Variants in TMEM184A observed in about 807,000 individuals in gnomAD.
The protein encoded by TMEM184A is sexually dimorphic, expressed in male gonads 1.
A neutral mutation model predicts 39.5 loss-of-function variants in TMEM184A; 40 were observed. The observed-to-expected ratio is 1.01, with a 90% CI of 0.79 to 1.32. The LOEUF (loss-of-function observed/expected upper bound fraction) is 1.32. Among genes scored for constraint, TMEM184A ranks in the 40% most tolerant of loss-of-function variants. The pLI, the probability that TMEM184A is intolerant of heterozygous loss-of-function variation, is 0.00. For missense variants in TMEM184A, 603 were observed against 568.8 expected, an observed-to-expected ratio of 1.06 and a Z score of -0.61; for synonymous variants, 280 against 252.3, an observed-to-expected ratio of 1.11 and a Z score of -1.04.
chr7:1,555,197 G>T lies in TMEM184A; in HGVS notation c.219+69C>A. The stretch of plus-strand genomic sequence containing the variant: ...TATAGCAGCGGCACCCAGGGGGACC[G>T]GGCTGAGCCACGGCCACGTCCTGTG... On this transcript the variant is annotated intron_variant, in intron 2 of 8. Transcript: ENST00000297477. The surrounding 1 kb of genome is among the most constrained non-coding windows in gnomAD (Gnocchi z 5.2). The T allele has an allele frequency of 1.5e-6, 2 of 1,346,100 alleles. No homozygotes were observed. Among genetic ancestry groups the T allele is most frequent in the African/African-American group, 1.5e-5 (1 of 68,554 alleles). 83.4% of individuals were successfully genotyped at this position (1,346,100 alleles called of 1,614,324 possible).
chr7:1,550,889 A>C lies in TMEM184A; in HGVS notation c.313T>G (p.Trp105Gly). 6.2e-7 allele frequency: 1 copy of C among 1,613,854 alleles called. No individual in the cohort carries two copies. The highest frequency in any genetic ancestry group is 8.5e-7 in the Non-Finnish European group (1 of 1,179,982). ...LIVPIYAFDS[W>G]LSLLLLGDHQ... is the part of the protein sequence containing the mutation. ...TCTCCGAGGAGGAGGAGGCTGAGCC[A>C]GGAGTCGAAGGCGTAGATGGGCACG... The change falls in exon 3 of 9, where the codon TGG becomes GGG. Residue 105 changes from tryptophan to glycine, a missense_variant. Transcript: ENST00000297477.
chr7:1,549,387 T>C, intron 6 of TMEM184A: 1 of 391,742 alleles, frequency 2.6e-6, no homozygotes. Context: ...GGTGGCTGCC[T>C]GTCTGTTCAG....
Position 1,548,657 on chromosome 7 carries a change from T to A in TMEM184A, c.676A>T (p.Ile226Phe). ...VRSGYLYVTL[I>F]YNASVSLALY... is the part of the protein sequence containing the mutation. ...GCGAGGCTGACGGAGGCGTTGTAGA[T>A]GAGGGTCACATAGAGGTAGCCGCTG... The change falls in exon 7 of 9, where the codon ATC (isoleucine) becomes TTC (phenylalanine). Residue 226 changes from isoleucine (I) to phenylalanine (F), a missense_variant. By Grantham distance (21) the Ile-to-Phe change is conservative (BLOSUM62 0). Transcript: ENST00000297477. 6.2e-7 allele frequency: 1 copy of A among 1,613,752 alleles called. No individual in the cohort carries two copies.
chr7:1,548,478 C>T, intron 7 of TMEM184A, 41 bp downstream of exon 7: 1 of 1,583,154 alleles, frequency 6.3e-7, no homozygotes, highest in South Asian at 1.2e-5. Flanking sequence ...GGACTGCAGC[C>T]CCCACCTCGG....
Position 1,555,279 on chromosome 7 carries a change from A to T in TMEM184A, c.206T>A (p.Leu69His), listed in dbSNP as rs1215393857. 1 of 1,604,528 alleles carries T rather than the reference A, an allele frequency of 6.2e-7. No homozygotes were observed. Among genetic ancestry groups the T allele is most frequent in the East Asian group, 2.2e-5 (1 of 44,612 alleles). The change falls in exon 2 of 9, where the codon CTC (leucine) becomes CAC (histidine). Residue 69 changes from leucine to histidine, a missense_variant. Coordinates refer to ENST00000297477, the MANE Select transcript of TMEM184A (RefSeq NM_001097620.2). This position sits in a 1 kb window ranked among gnomAD's most constrained non-coding sequence, Gnocchi z 5.2. ...GGAAGGGCTTACCTGGTGGCAGGTG[A>T]GCACCAGGGCAGTCCACACGAAGAT... is the stretch of plus-strand genomic sequence containing the variant. ...SGIFVWTALVLTCHQIYLHLR... is the reference protein window; with the variant it reads ...SGIFVWTALVHTCHQIYLHLR...
rs1038928861 is a variant in TMEM184A, at chr7:1,542,338, G to C, written c.*4614C>G. 1 of 152,610 alleles carries C rather than the reference G, an allele frequency of 6.6e-6. No homozygotes were observed. The highest frequency in any genetic ancestry group is 6.5e-5 in the Admixed American group (1 of 15,292). The allele number at this position is 152,610 out of a possible 1,614,324, so 9.5% of individuals were successfully genotyped here. A position where few individuals can be genotyped will look rare whatever the true frequency, so the allele number is the denominator to read the frequency against. ...TCTATCAGAGCAGAGCCGGGGGCACGGGCACAGGTGGGAGTTGGGAGCAAA... is the reference window on the plus strand; with the variant it reads ...TCTATCAGAGCAGAGCCGGGGGCACCGGCACAGGTGGGAGTTGGGAGCAAA... On this transcript the variant is annotated 3_prime_UTR_variant, in exon 9 of 9. Coordinates refer to ENST00000297477, the MANE Select transcript of TMEM184A (RefSeq NM_001097620.2).
intron 4 of TMEM184A, 50 bp from the exon 5 acceptor site, chr7:1,550,248 G>T (rs749103666): frequency 6.2e-7 from 1 of 1,605,562 alleles, no homozygotes. Flanking sequence ...CCCCGGCGCC[G>T]CCGGGCTCCC....
rs1309660308 is a variant in TMEM184A, at chr7:1,542,457, G to T, written c.*4495C>A. On this transcript the variant is annotated 3_prime_UTR_variant, in exon 9 of 9. Transcript: ENST00000297477. ...CAGGACAGGCCGCAGCGGGTGGCCGGTTCTGTCCCGTCTTGGGGTTCTTGG... is the reference window on the plus strand; with the variant it reads ...CAGGACAGGCCGCAGCGGGTGGCCGTTTCTGTCCCGTCTTGGGGTTCTTGG... 1 of 152,402 alleles carries T rather than the reference G, an allele frequency of 6.6e-6. No homozygotes were observed. Among genetic ancestry groups the T allele is most frequent in the Non-Finnish European group, 1.5e-5 (1 of 68,082 alleles). 9.4% of individuals were successfully genotyped at this position (152,402 alleles called of 1,614,324 possible).
chr7:1,552,112 G>C (rs1784627932), intron 2 of TMEM184A, among the ~76,000 whole-genome samples: 1 of 151,868 alleles, frequency 6.6e-6, no homozygotes, highest in Non-Finnish European at 1.5e-5. Context: ...CTGAGTATTG[G>C]GACTACAGGT....
At position 1,546,248 on chromosome 7, in the gene TMEM184A, A is replaced by G. The variant is rs1784340055; in HGVS notation, c.*704T>C. 6.5e-6 allele frequency: 1 copy of G among 152,734 alleles called. No homozygotes were observed. Among genetic ancestry groups the G allele is most frequent in the African/African-American group, 2.4e-5 (1 of 41,442 alleles). The allele number at this position is 152,734 out of a possible 1,614,324, so 9.5% of individuals were successfully genotyped here. A position where few individuals can be genotyped will look rare whatever the true frequency, so the allele number is the denominator to read the frequency against. On this transcript the variant is annotated 3_prime_UTR_variant, in exon 9 of 9. Coordinates refer to ENST00000297477, the MANE Select transcript of TMEM184A (RefSeq NM_001097620.2). ...CCGGTAGAAAATCCAAGGTGTTTAA[A>G]TATAAATAAGAGCGATTCCCACAGC...
chr7:1,548,455 C>A (rs1286323369), intron 7 of TMEM184A, 64 bp downstream of exon 7: 1 of 1,543,380 alleles, frequency 6.5e-7, no homozygotes, highest in Non-Finnish European at 8.8e-7. Flanking sequence ...TGTGAGGTGA[C>A]CCCAGGCTCA....
rs910659769 is a variant in TMEM184A, at chr7:1,548,385, T to A, written c.814+134A>T. 1.9e-4 allele frequency: 208 copies of A among 1,108,706 alleles called. 1 individual carries two copies. The highest frequency in any genetic ancestry group is 1.0e-3 in the Middle Eastern group (4 of 3,994). The allele number at this position is 1,108,706 out of a possible 1,614,324, so 68.7% of individuals were successfully genotyped here. A position where few individuals can be genotyped will look rare whatever the true frequency, so the allele number is the denominator to read the frequency against. ...TCATGCCCGCAGGTTCTACCCTGGC[T>A]TCCAGCTGACCTGTGCTGCAGCTGG... On this transcript the variant is annotated intron_variant, in intron 7 of 8. Coordinates refer to ENST00000297477, the MANE Select transcript of TMEM184A (RefSeq NM_001097620.2).
At chr7:1,548,482 A>C (rs902854952) in intron 7 of TMEM184A, 37 bp downstream of exon 7, 13 of 1,586,006 alleles carry the variant, frequency 8.2e-6, no homozygotes, top group Non-Finnish European at 1.1e-5. Context: ...TGCAGCCCCC[A>C]CCTCGGTAGC....
At position 1,550,810 on chromosome 7, in the gene TMEM184A, C is replaced by G; in HGVS notation, c.385+7G>C. 6.2e-7 allele frequency: 1 copy of G among 1,612,090 alleles called. No homozygotes were observed. The highest frequency in any genetic ancestry group is 1.1e-5 in the South Asian group (1 of 91,064). ...GCTCCCCCGACCTGACGCAGCCTGGCGCCCACCTTCGTAGCAGTCCCGCAC... is the reference window on the plus strand; with the variant it reads ...GCTCCCCCGACCTGACGCAGCCTGGGGCCCACCTTCGTAGCAGTCCCGCAC... On this transcript the variant is annotated splice_region_variant and intron_variant, in intron 3 of 8. Coordinates refer to ENST00000297477, the MANE Select transcript of TMEM184A (RefSeq NM_001097620.2).
Position 1,542,701 on chromosome 7 carries a change from C to T in TMEM184A, c.*4251G>A, listed in dbSNP as rs1253374772. The T allele has an allele frequency of 6.6e-6, 1 of 152,524 alleles. No individual in the cohort carries two copies. The highest frequency in any genetic ancestry group is 1.5e-5 in the Non-Finnish European group (1 of 68,036). 9.4% of individuals were successfully genotyped at this position (152,524 alleles called of 1,614,324 possible). On this transcript the variant is annotated 3_prime_UTR_variant, in exon 9 of 9. Transcript: ENST00000297477. ...TTTTATTTAAGAAAAAGACGAGGGA[C>T]TCTTTGTCACGTGGGTTTGTTTTCT...
chr7:1,547,568 G>A (rs1027751606), intron 8 of TMEM184A, among the ~76,000 whole-genome samples, 174 bp downstream of exon 8: 2 of 152,090 alleles, frequency 1.3e-5, no homozygotes, highest in South Asian at 2.1e-4. Context: ...ATTGGGGTCC[G>A]GGACCGCCTG....
In TMEM184A at chr7:1,546,978, T is replaced by A. The variant is rs1440196026; in HGVS notation, c.1216A>T (p.Met406Leu). The A allele has an allele frequency of 6.3e-7, 1 of 1,592,554 alleles. No homozygotes were observed. Among genetic ancestry groups the A allele is most frequent in the Admixed American group, 1.7e-5 (1 of 58,668 alleles). Residue 406 changes from methionine to leucine, a missense_variant, in exon 9 of 9, where the codon ATG becomes TTG. Physicochemically the swap from Met to Leu is conservative, Grantham distance 15 (BLOSUM62 2). Transcript: ENST00000297477. ...SRKSRSLEKR[M>L]LIPSEDL Reference sequence around the variant, plus strand: ...TACAGGTCCTCCGAGGGGATCAGCATCCGCTTCTCCAGGCTCCGGCTCTTC... The same window carrying A: ...TACAGGTCCTCCGAGGGGATCAGCAACCGCTTCTCCAGGCTCCGGCTCTTC...
At chr7:1,553,444 C>T (rs1291019648) in intron 2 of TMEM184A, among the ~76,000 whole-genome samples, 1 of 152,160 alleles carries the variant, frequency 6.6e-6, no homozygotes, top group Non-Finnish European at 1.5e-5. Flanking sequence ...TGAGACACCA[C>T]GCCTGACCGA....
rs1283206739 is a variant in TMEM184A at position 1,555,181 on chromosome 7, G to A, written c.219+85C>T. 21 of 1,156,268 alleles carry A rather than the reference G, an allele frequency of 1.8e-5. No homozygotes were observed. The highest frequency in any genetic ancestry group is 2.6e-5 in the East Asian group (1 of 38,346). 71.6% of individuals were successfully genotyped at this position (1,156,268 alleles called of 1,614,324 possible). A position where few individuals can be genotyped will look rare whatever the true frequency, so the allele number is the denominator to read the frequency against. ...CACTTCTGACAGCGTCTATAGCAGCGGCACCCAGGGGGACCGGGCTGAGCC... is the reference window on the plus strand; with the variant it reads ...CACTTCTGACAGCGTCTATAGCAGCAGCACCCAGGGGGACCGGGCTGAGCC... On this transcript the variant is annotated intron_variant, in intron 2 of 8. Coordinates refer to ENST00000297477, the MANE Select transcript of TMEM184A (RefSeq NM_001097620.2). This position sits in a 1 kb window ranked among gnomAD's most constrained non-coding sequence, Gnocchi z 5.2.
Sources: gnomAD v4.1 joint callset for allele counts (sites outside exome capture counted in the v4.1 genomes callset) on GRCh38, gnomAD v4.1.1 for gene constraint, Gnocchi (gnomAD v3.1) non-coding constraint, MANE v1.5 for transcripts, NCBI Gene and HGNC (gene_info 2026-07-23, HGNC 2026-07-21) for gene names.